The following ZFX variants were observed in gnomAD, a reference collection of about 807,000 sequenced individuals.
ZFX encodes zinc finger X-chromosomal protein.
For synonymous variants in ZFX, 196 were observed against 226.8 expected (o/e 0.86, Z 1.22); for missense variants, 362 against 628.3 (o/e 0.58, Z 4.53).
At position 24,184,981 on chromosome X, in the gene ZFX, C is replaced by T. The variant is rs1349319152; in HGVS notation, c.646+5211C>T. ...TATTATTATGTTTGAGATGAAGTCTCGCTCCCTTACCCAGGCTGGGAGTGC... is the reference window on the plus strand; with the variant it reads ...TATTATTATGTTTGAGATGAAGTCTTGCTCCCTTACCCAGGCTGGGAGTGC... On this transcript the variant is annotated intron_variant, in intron 5 of 9. Transcript: ENST00000304543. Among the ~76,000 whole-genome samples the T allele has an allele frequency of 4.6e-5, 5 of 108,429 alleles. No individual in the cohort carries two copies. In the East Asian group the frequency reaches 1.2e-3, roughly 26 times the overall value. The allele number at this position is 108,429 out of a possible 115,157, so 94.2% of individuals were successfully genotyped here.
chrX:24,200,578 A>C (rs774343671), intron 5 of ZFX, among the ~76,000 whole-genome samples: 1 of 111,497 alleles, frequency 9.0e-6, no homozygotes. Flanking sequence ...GCATGTTACA[A>C]TATCTTATTT....
intron 5 of ZFX, among the ~76,000 whole-genome samples, chrX:24,188,397 A>C (rs144471382): frequency 0.016 from 1,771 of 111,132 alleles, 30 homozygotes; most frequent in Admixed American, 0.065. Context: ...TTAAAAAAAA[A>C]CTGTTTTCAA....
At chrX:24,179,894 A>G (rs989170854) in intron 5 of ZFX, 124 bp downstream of exon 5, 1 of 645,374 alleles carries the variant, frequency 1.5e-6, no homozygotes, top group Non-Finnish European at 2.3e-6. Flanking sequence ...ACCTACCTGC[A>G]TTGTTGTTTC....
intron 3 of ZFX, among the ~76,000 whole-genome samples, chrX:24,163,395 T>A (rs1569128267): frequency 3.1e-5 from 2 of 65,504 alleles, no homozygotes; most frequent in Non-Finnish European, 5.2e-5. Flanking sequence ...TTTTTTTTTT[T>A]GATACAGAGT....
At chrX:24,171,904 AGGAGAGAG>A (rs59953334) in intron 3 of ZFX, among the ~76,000 whole-genome samples, 4,854 of 96,943 alleles carry the variant, frequency 0.05, 259 homozygotes, top group East Asian at 0.39. Context: ...CAGAGAGAGA[AGGAGAGAG>A]AGAGAGAGAG....
At position 24,211,572 on chromosome X, in the gene ZFX, T is replaced by TA; in HGVS notation, c.*198dup. Reference sequence around the variant, plus strand: ...TGTTCTGAATTCTATTCAGTTTGTTTAATAAATAGGGAAAACTGGCAACAT... The same window carrying TA: ...TGTTCTGAATTCTATTCAGTTTGTTTAAATAAATAGGGAAAACTGGCAACAT... On this transcript the variant is annotated 3_prime_UTR_variant, in exon 10 of 10. Transcript: ENST00000304543. The TA allele has an allele frequency of 2.2e-6, 1 of 462,664 alleles. No individual in the cohort carries two copies. The highest frequency in any genetic ancestry group is 3.5e-6 in the Non-Finnish European group (1 of 286,771). 38.1% of individuals were successfully genotyped at this position (462,664 alleles called of 1,213,427 possible).
chrX:24,158,275 C>T (rs959482815), intron 3 of ZFX, among the ~76,000 whole-genome samples: 1 of 107,285 alleles, frequency 9.3e-6, no homozygotes, highest in Non-Finnish European at 1.9e-5. Flanking sequence ...CAGTTCATGC[C>T]GGGTGTGGTG....
Position 24,210,427 on chromosome X carries a change from G to A in ZFX, c.1469G>A (p.Cys490Tyr), listed in dbSNP as rs1400249023. 4 of 1,212,109 alleles carry A rather than the reference G, an allele frequency of 3.3e-6. No homozygotes were observed. Among genetic ancestry groups the A allele is most frequent in the East Asian group, 3.0e-5 (1 of 33,871 alleles). The part of the protein sequence containing the change: ...LTSKAEKAIE[C>Y]DECGKHFSHA... Reference sequence around the variant, plus strand: ...AGCAAGGCAGAGAAGGCCATTGAATGCGATGAGTGTGGGAAGCATTTCTCT... The same window carrying A: ...AGCAAGGCAGAGAAGGCCATTGAATACGATGAGTGTGGGAAGCATTTCTCT... Residue 490 changes from cysteine (C) to tyrosine (Y), a missense_variant, in exon 10 of 10, where the codon TGC (cysteine) becomes TAC (tyrosine). Transcript: ENST00000304543.
intron 4 of ZFX, chrX:24,173,588 T>G: frequency 8.7e-7 from 1 of 1,146,360 alleles, no homozygotes; most frequent in Non-Finnish European, 1.2e-6. Flanking sequence ...ACTTGCGTTT[T>G]GGGTTTTTTT....
chrX:24,188,441 T>C lies in ZFX; in HGVS notation c.646+8671T>C, dbSNP rs181729614. Among the ~76,000 whole-genome samples, 6 of 111,478 alleles carry C rather than the reference T, an allele frequency of 5.4e-5. No homozygotes were observed. The Admixed American group carries it at 5.8e-4, about 11-fold the overall frequency. ...AAAATAATTTGAGATGAACTCAATC[T>C]GAAGGGTGTATAAAATAAAATGTTC... On this transcript the variant is annotated intron_variant, in intron 5 of 9. Coordinates refer to ENST00000304543, the MANE Select transcript of ZFX (RefSeq NM_003410.4).
chrX:24,209,423 A>G (rs1237080453), intron 9 of ZFX, among the ~76,000 whole-genome samples: 2 of 112,391 alleles, frequency 1.8e-5, no homozygotes, highest in Admixed American at 9.4e-5. Flanking sequence ...TTCATATGAC[A>G]TTCCTATTCT....
chrX:24,163,831 T>TTA (rs2083398406), intron 3 of ZFX, among the ~76,000 whole-genome samples: 1 of 65,309 alleles, frequency 1.5e-5, no homozygotes, highest in Non-Finnish European at 2.7e-5. Context: ...CCCCCTCTTT[T>TTA]AAAAAAAAGA....
At position 24,210,758 on chromosome X, in the gene ZFX, T is replaced by C; in HGVS notation, c.1800T>C (p.Ser600=). The stretch of plus-strand genomic sequence containing the variant: ...AAACGCATGTCAAAACTAAGCATAG[T>C]AAAGAGATGCCATTCAAGTGTGACA... ...NLKTHVKTKH[S]KEMPFKCDIC... Residue 600 remains serine (S), a synonymous_variant, in exon 10 of 10, where the codon AGT becomes AGC. Transcript: ENST00000304543. 2 of 1,211,675 alleles carry C rather than the reference T, an allele frequency of 1.7e-6. No individual in the cohort carries two copies. The highest frequency in any genetic ancestry group is 2.2e-6 in the Non-Finnish European group (2 of 895,508).
chrX:24,181,782 T>C (rs988834408), intron 5 of ZFX, among the ~76,000 whole-genome samples: 1 of 111,580 alleles, frequency 9.0e-6, no homozygotes, highest in Non-Finnish European at 1.9e-5. Context: ...CAACACAGAG[T>C]ATTATTTTTC....
intron 5 of ZFX, among the ~76,000 whole-genome samples, chrX:24,189,037 CTG>C (rs1936352583): frequency 9.0e-6 from 1 of 111,647 alleles, no homozygotes; most frequent in Non-Finnish European, 1.9e-5. Flanking sequence ...CGGGGTTTCA[CTG>C]TGTTAACCAG....
intron 5 of ZFX, among the ~76,000 whole-genome samples, chrX:24,201,321 C>T (rs967316485): frequency 1.8e-5 from 2 of 112,395 alleles, no homozygotes; most frequent in Non-Finnish European, 3.8e-5. Context: ...ATGTGTTTTC[C>T]CTCACATTTG....
chrX:24,154,919 G>A (rs954881270), intron 3 of ZFX, among the ~76,000 whole-genome samples: 2 of 111,474 alleles, frequency 1.8e-5, no homozygotes, highest in African/African-American at 3.3e-5. Context: ...CTCACATACA[G>A]GTGGGAGCTA....
chrX:24,200,682 A>C (rs1489219009), intron 5 of ZFX, among the ~76,000 whole-genome samples: 2 of 112,107 alleles, frequency 1.8e-5, no homozygotes, highest in Non-Finnish European at 3.8e-5. Flanking sequence ...GATAGTTCCC[A>C]GTGGCAGGAT....
chrX:24,161,670 A>G (rs1933330914), intron 3 of ZFX: 1 of 101,881 alleles, frequency 9.8e-6, no homozygotes, highest in South Asian at 4.9e-4. Flanking sequence ...AATCTAACAT[A>G]TTCTTTTTTT....
Sources: gnomAD v4.1 joint callset for allele counts (sites outside exome capture counted in the v4.1 genomes callset) on GRCh38, gnomAD v4.1.1 for gene constraint, MANE v1.5 for transcripts, NCBI Gene and HGNC (gene_info 2026-07-23, HGNC 2026-07-21) for gene names.